The following SNRK variants were observed in gnomAD, a reference collection of about 807,000 sequenced individuals.
The protein encoded by SNRK is SNF-related serine/threonine-protein kinase.
A neutral mutation model predicts 48.2 loss-of-function variants in SNRK; 3 were observed. That is an observed-to-expected ratio of 0.06 (90% CI 0.03 to 0.16). SNRK has a LOEUF of 0.16. Among genes scored for constraint, SNRK ranks in the 10% least tolerant of loss-of-function variants. The pLI is 1.00. For missense variants in SNRK, 627 were observed against 976.0 expected (o/e 0.64, Z 4.76); for synonymous variants, 376 against 366.1 (o/e 1.03, Z -0.31).
intron 3 of SNRK, among the ~76,000 whole-genome samples, chr3:43,312,887 AAAT>A (rs1404164006): frequency 3.9e-5 from 6 of 152,214 alleles, no homozygotes; most frequent in African/African-American, 1.2e-4. Context: ...TCTAACAAAA[AAAT>A]AATGATAGAA....
rs2125652314 is a variant in SNRK, at chr3:43,348,573, G to A, written c.*16G>A. 6.6e-7 allele frequency: 1 copy of A among 1,518,680 alleles called. No individual in the cohort carries two copies. Among genetic ancestry groups the A allele is most frequent in the East Asian group, 2.3e-5 (1 of 43,740 alleles). 94.1% of individuals were successfully genotyped at this position (1,518,680 alleles called of 1,614,324 possible). A position where few individuals can be genotyped will look rare whatever the true frequency, so the allele number is the denominator to read the frequency against. ...TGTCATCTGACTGTGGCCCCATCTG[G>A]CCGCTAGCACGCTTCCTGCTCAGAG... On this transcript the variant is annotated 3_prime_UTR_variant, in exon 7 of 7. Transcript: ENST00000296088.
intron 3 of SNRK, among the ~76,000 whole-genome samples, chr3:43,324,262 CA>C (rs1342274858): frequency 2.6e-5 from 4 of 152,156 alleles, no homozygotes; most frequent in African/African-American, 7.2e-5. Flanking sequence ...GTAATCCGAG[CA>C]CTTTGGGAGG....
chr3:43,303,030 G>A lies in SNRK; in HGVS notation c.-106-68G>A, dbSNP rs1409874359. The A allele has an allele frequency of 2.1e-6, 1 of 468,324 alleles. No individual in the cohort carries two copies. Among genetic ancestry groups the A allele is most frequent in the African/African-American group, 2.0e-5 (1 of 49,836 alleles). 29.0% of individuals were successfully genotyped at this position (468,324 alleles called of 1,614,324 possible). On this transcript the variant is annotated intron_variant, in intron 2 of 6. Coordinates refer to ENST00000296088, the MANE Select transcript of SNRK (RefSeq NM_017719.5). This position sits in a 1 kb window ranked among gnomAD's most constrained non-coding sequence, Gnocchi z 6.2. ...TCTTAAAATGAAAAAAACAAAAAAT[G>A]AAGTGATTTTAAAGTTTGTGAAGAA...
chr3:43,343,563 T>C, intron 6 of SNRK, 85 bp downstream of exon 6: 1 of 1,405,188 alleles, frequency 7.1e-7, no homozygotes, highest in East Asian at 2.4e-5. Context: ...GCTTCCTAAC[T>C]CTTTGGGGCA....
At chr3:43,304,244 C>CAAGT (rs1230818890) in intron 3 of SNRK, among the ~76,000 whole-genome samples, 1 of 152,176 alleles carries the variant, frequency 6.6e-6, no homozygotes, top group Non-Finnish European at 1.5e-5. Flanking sequence ...TGAACTTGAA[C>CAAGT]AAGTGCTTGA....
chr3:43,327,957 G>GTT (rs5848658), intron 3 of SNRK, among the ~76,000 whole-genome samples: 9,334 of 146,882 alleles, frequency 0.064, 879 homozygotes, highest in African/African-American at 0.2. Context: ...CATGAGTTGG[G>GTT]TTTTTTTTTT....
Position 43,332,299 on chromosome 3 carries a change from A to C in SNRK, c.720A>C (p.Lys240Asn). Residue 240 changes from lysine to asparagine, a missense_variant, in exon 4 of 7, where the codon AAA becomes AAC. Physicochemically the swap from Lys to Asn is moderately conservative, Grantham distance 94. Transcript: ENST00000296088. ...CKYTVPSHVS[K>N]ECKDLITRML... Reference sequence around the variant, plus strand: ...ATACAGTACCATCCCATGTGTCTAAAGAGTGTAAAGAGTAAGTAAAACAAA... The same window carrying C: ...ATACAGTACCATCCCATGTGTCTAACGAGTGTAAAGAGTAAGTAAAACAAA... The C allele has an allele frequency of 6.8e-7, 1 of 1,466,306 alleles. No homozygotes were observed. The highest frequency in any genetic ancestry group is 9.1e-7 in the Non-Finnish European group (1 of 1,101,484). The allele number at this position is 1,466,306 out of a possible 1,614,324, so 90.8% of individuals were successfully genotyped here.
At position 43,343,468 on chromosome 3, in the gene SNRK, G is replaced by C; in HGVS notation, c.1069G>C (p.Ala357Pro). Reference sequence around the variant, plus strand: ...ATCTGCAAGCCCGAGCAATATCAAGGCCCAGTTTAGGTGAGAAAAAAATCT... The same window carrying C: ...ATCTGCAAGCCCGAGCAATATCAAGCCCCAGTTTAGGTGAGAAAAAAATCT... ...TRSASPSNIKAQFRQSWPTKI... is the reference protein window; with the variant it reads ...TRSASPSNIKPQFRQSWPTKI... The change falls in exon 6 of 7, where the codon GCC becomes CCC. Residue 357 changes from alanine (A) to proline (P), a missense_variant. Around this residue, in one of 4 missense-constraint regions of SNRK, gnomAD observed 175 missense variants for 209.7 expected, o/e 0.83. Coordinates refer to ENST00000296088, the MANE Select transcript of SNRK (RefSeq NM_017719.5). 6.2e-7 allele frequency: 1 copy of C among 1,612,574 alleles called. No homozygotes were observed.
chr3:43,339,805 A>T, intron 4 of SNRK, among the ~76,000 whole-genome samples: 1 of 118,032 alleles, frequency 8.5e-6, no homozygotes. Context: ...ATGGAGTGGG[A>T]CTCCATTTCC....
rs2091304314 is a variant in SNRK at position 43,349,288 on chromosome 3, T to A, written c.*731T>A. 1 of 152,666 alleles carries A rather than the reference T, an allele frequency of 6.6e-6. No homozygotes were observed. The highest frequency in any genetic ancestry group is 2.4e-5 in the African/African-American group (1 of 41,466). 9.5% of individuals were successfully genotyped at this position (152,666 alleles called of 1,614,324 possible). A position where few individuals can be genotyped will look rare whatever the true frequency, so the allele number is the denominator to read the frequency against. On this transcript the variant is annotated 3_prime_UTR_variant, in exon 7 of 7. Transcript: ENST00000296088. ...ATTACAAGCAGACAATCTTATTTTGTAATGTGATGAAGTGATGATGTCTTA... is the reference window on the plus strand; with the variant it reads ...ATTACAAGCAGACAATCTTATTTTGAAATGTGATGAAGTGATGATGTCTTA...
intron 6 of SNRK, among the ~76,000 whole-genome samples, chr3:43,346,258 G>A (rs2091275083): frequency 6.6e-6 from 1 of 152,038 alleles, no homozygotes; most frequent in Admixed American, 6.5e-5. Context: ...TTATTAAAGG[G>A]GAACCTGTGC....
chr3:43,345,795 A>G (rs1322642920), intron 6 of SNRK, among the ~76,000 whole-genome samples: 1 of 152,242 alleles, frequency 6.6e-6, no homozygotes, highest in African/African-American at 2.4e-5. Flanking sequence ...CAAATCAAGT[A>G]GCTTAAGGTT....
At chr3:43,333,518 C>T (rs1033703415) in intron 4 of SNRK, 4 of 151,888 alleles carry the variant, frequency 2.6e-5, no homozygotes, top group Admixed American at 2.0e-4. Context: ...GCTCTTAGCT[C>T]GGTCCTTAGC....
At chr3:43,337,209 G>T (rs1575557589) in intron 4 of SNRK, among the ~76,000 whole-genome samples, 1 of 152,082 alleles carries the variant, frequency 6.6e-6, no homozygotes, top group East Asian at 1.9e-4. Context: ...GAGTAGCTGG[G>T]ATTACAGGCA....
At chr3:43,309,183 T>A (rs1468222723) in intron 3 of SNRK, among the ~76,000 whole-genome samples, 3 of 152,168 alleles carry the variant, frequency 2.0e-5, no homozygotes. Flanking sequence ...TTTATCTTAA[T>A]TTTTTTAAAT....
chr3:43,303,590 T>C lies in SNRK; in HGVS notation c.387T>C (p.Tyr129=), dbSNP rs748738507. The C allele has an allele frequency of 5.4e-5, 87 of 1,614,020 alleles. No homozygotes were observed. The highest frequency in any genetic ancestry group is 6.6e-5 in the Non-Finnish European group (78 of 1,180,014). ...CTCAGATAGTTCATGCTATATCTTA[T>C]TGCCATAAACTCCATGTGGTTCACA... is the stretch of plus-strand genomic sequence containing the variant. ...YFAQIVHAIS[Y]CHKLHVVHRD... Residue 129 remains tyrosine, a synonymous_variant, in exon 3 of 7, where the codon TAT becomes TAC. Transcript: ENST00000296088. The surrounding 1 kb of genome is among the most constrained non-coding windows in gnomAD (Gnocchi z 6.2).
intron 3 of SNRK, among the ~76,000 whole-genome samples, chr3:43,316,385 A>G (rs2091013520): frequency 6.6e-6 from 1 of 151,994 alleles, no homozygotes; most frequent in African/African-American, 2.4e-5. Context: ...CCCCACCCCC[A>G]GAGATTGTGA....
intron 3 of SNRK, among the ~76,000 whole-genome samples, chr3:43,315,446 C>G (rs2091007152): frequency 6.6e-6 from 1 of 152,132 alleles, no homozygotes; most frequent in Non-Finnish European, 1.5e-5. Flanking sequence ...TTCAGTTTTT[C>G]AGAGGACCTT....
intron 3 of SNRK, among the ~76,000 whole-genome samples, chr3:43,323,919 C>T (rs1472605925): frequency 6.6e-6 from 1 of 152,108 alleles, no homozygotes; most frequent in Non-Finnish European, 1.5e-5. Flanking sequence ...TTGTCAGGGG[C>T]TGGGCTTGGG....
Sources: gnomAD v4.1 joint callset for allele counts (sites outside exome capture counted in the v4.1 genomes callset) on GRCh38, gnomAD v4.1.1 for gene constraint, gnomAD v4.1.1 regional missense constraint, Gnocchi (gnomAD v3.1) non-coding constraint, MANE v1.5 for transcripts, NCBI Gene and HGNC (gene_info 2026-07-23, HGNC 2026-07-21) for gene names.